The following TMOD1 variants were observed in gnomAD, a reference collection of about 807,000 sequenced individuals.
TMOD1 encodes the protein tropomodulin 1.
Under a neutral mutation model 40.6 loss-of-function variants are expected in TMOD1, and 17 were observed. The ratio of observed to expected loss-of-function variants is 0.42; its 90% CI spans 0.29 to 0.63. The LOEUF (loss-of-function observed/expected upper bound fraction) is 0.63, where lower values mean the gene tolerates loss of function less well. Among genes scored for constraint, TMOD1 ranks in the 20% least tolerant of loss-of-function variants. The pLI, the probability that TMOD1 is intolerant of heterozygous loss-of-function variation, is 0.22. For missense variants in TMOD1, 391 were observed against 447.6 expected (o/e 0.87, Z 1.14); for synonymous variants, 181 against 175.0 (o/e 1.03, Z -0.27).
chr9:97,534,958 C>T (rs1830157386), intron 2 of TMOD1, among the ~76,000 whole-genome samples: 1 of 152,128 alleles, frequency 6.6e-6, no homozygotes, highest in African/African-American at 2.4e-5. Context: ...TGAGCAAAGG[C>T]ATGGCAGTGG....
intron 4 of TMOD1, chr9:97,555,682 T>C (rs953841073): frequency 3.4e-5 from 52 of 1,551,006 alleles, no homozygotes; most frequent in Non-Finnish European, 4.1e-5. Context: ...ACTGAACACT[T>C]TTGACCACCT....
chr9:97,548,195 C>T (rs1367192493), intron 3 of TMOD1, among the ~76,000 whole-genome samples: 1 of 152,142 alleles, frequency 6.6e-6, no homozygotes, highest in Non-Finnish European at 1.5e-5. Context: ...ATTGTGAGCC[C>T]CAGGTCCACA....
At chr9:97,505,591 C>A (rs1191427229) in intron 1 of TMOD1, among the ~76,000 whole-genome samples, 1 of 152,146 alleles carries the variant, frequency 6.6e-6, no homozygotes, top group African/African-American at 2.4e-5. Flanking sequence ...CCACTCCTAC[C>A]CCTATTCTCT....
At chr9:97,532,158 A>G (rs754764242) in intron 2 of TMOD1, among the ~76,000 whole-genome samples, 16 of 152,254 alleles carry the variant, frequency 1.1e-4, no homozygotes, top group Non-Finnish European at 2.4e-4. Context: ...AACAGTTGAA[A>G]TGGAAAGAAA....
intron 8 of TMOD1, among the ~76,000 whole-genome samples, chr9:97,586,762 G>A (rs1425712498): frequency 6.6e-6 from 1 of 151,894 alleles, no homozygotes; most frequent in Non-Finnish European, 1.5e-5. Context: ...GGAGTGACCC[G>A]ATTTTCCAGG....
At chr9:97,564,887 C>A (rs1051964272) in intron 6 of TMOD1, among the ~76,000 whole-genome samples, 1 of 152,108 alleles carries the variant, frequency 6.6e-6, no homozygotes, top group Admixed American at 6.5e-5. Context: ...AGAAGCCAGC[C>A]CCCCATGCCC....
intron 2 of TMOD1, among the ~76,000 whole-genome samples, chr9:97,533,109 A>G (rs1159425651): frequency 6.6e-6 from 1 of 152,238 alleles, no homozygotes; most frequent in East Asian, 1.9e-4. Context: ...TAAAAAATGT[A>G]TAAGCTCCTT....
intron 8 of TMOD1, among the ~76,000 whole-genome samples, chr9:97,570,081 C>CT (rs1340658405): frequency 6.6e-6 from 1 of 152,004 alleles, no homozygotes; most frequent in African/African-American, 2.4e-5. Context: ...AAGTTTTTAA[C>CT]TTTTTTATTG....
intron 3 of TMOD1, among the ~76,000 whole-genome samples, chr9:97,549,205 C>T (rs954598103): frequency 1.3e-5 from 2 of 152,172 alleles, no homozygotes; most frequent in African/African-American, 4.8e-5. Context: ...ATTTAATTTT[C>T]TTAGGCATTC....
At position 97,503,986 on chromosome 9, in the gene TMOD1, G is replaced by A. The variant is rs555311198; in HGVS notation, c.-49+2183G>A. 6.8e-4 allele frequency among the ~76,000 whole-genome samples: 103 copies of A among 152,314 alleles called. 1 individual carries two copies. Among genetic ancestry groups the A allele is most frequent in the Non-Finnish European group, 1.3e-3 (91 of 68,024 alleles). On this transcript the variant is annotated intron_variant, in intron 1 of 9. Coordinates refer to ENST00000259365, the MANE Select transcript of TMOD1 (RefSeq NM_003275.4). Reference sequence around the variant, plus strand: ...TCCCAGGTGCCAAGGGAGGACAGAGGTGGGCAGTGTCACTTGCTGTGGAGA... The same window carrying A: ...TCCCAGGTGCCAAGGGAGGACAGAGATGGGCAGTGTCACTTGCTGTGGAGA...
chr9:97,551,168 C>A (rs948834507), intron 3 of TMOD1, among the ~76,000 whole-genome samples: 3 of 151,618 alleles, frequency 2.0e-5, no homozygotes, highest in Admixed American at 2.0e-4. Flanking sequence ...GGACTACAGG[C>A]ACGCACCATC....
chr9:97,571,857 C>T (rs559174916), intron 8 of TMOD1, among the ~76,000 whole-genome samples: 2 of 152,222 alleles, frequency 1.3e-5, no homozygotes, highest in Admixed American at 6.5e-5. Context: ...CAGCACCACC[C>T]GCCATCCAGT....
chr9:97,546,384 A>G, intron 3 of TMOD1, 43 bp downstream of exon 3: 1 of 1,593,140 alleles, frequency 6.3e-7, no homozygotes. Flanking sequence ...CTCCCCATGC[A>G]CCATTGAGTG....
At chr9:97,540,861 T>A (rs986706346) in intron 2 of TMOD1, among the ~76,000 whole-genome samples, 1 of 152,258 alleles carries the variant, frequency 6.6e-6, no homozygotes, top group Non-Finnish European at 1.5e-5. Flanking sequence ...TGGGTGGACA[T>A]ACATCTGCTG....
At chr9:97,593,897 A>T (rs145092266) in intron 9 of TMOD1, among the ~76,000 whole-genome samples, 1 of 151,966 alleles carries the variant, frequency 6.6e-6, no homozygotes, top group African/African-American at 2.4e-5. Context: ...AAGGAGTTAG[A>T]CCTAGGAGGA....
intron 9 of TMOD1, among the ~76,000 whole-genome samples, chr9:97,594,963 G>A (rs1236388530): frequency 4.6e-5 from 7 of 152,158 alleles, no homozygotes; most frequent in African/African-American, 1.7e-4. Flanking sequence ...ATCGTGTGGA[G>A]GGAGAGTAAC....
intron 8 of TMOD1, among the ~76,000 whole-genome samples, chr9:97,588,251 C>T (rs947351254): frequency 1.3e-5 from 2 of 152,194 alleles, no homozygotes; most frequent in Non-Finnish European, 2.9e-5. Context: ...ACATTCTTGT[C>T]AACACTTGTT....
At chr9:97,564,283 T>G (rs1830692934) in intron 6 of TMOD1, 115 bp downstream of exon 6, 1 of 1,327,874 alleles carries the variant, frequency 7.5e-7, no homozygotes, top group Non-Finnish European at 1.0e-6. Flanking sequence ...CCTGTTTGGA[T>G]TCTGGGTGTT....
intron 9 of TMOD1, among the ~76,000 whole-genome samples, chr9:97,592,844 T>G (rs1016946931): frequency 6.6e-6 from 1 of 152,250 alleles, no homozygotes; most frequent in Non-Finnish European, 1.5e-5. Flanking sequence ...CATTCATTGC[T>G]CACTGCAAAT....
Sources: gnomAD v4.1 joint callset for allele counts (sites outside exome capture counted in the v4.1 genomes callset) on GRCh38, gnomAD v4.1.1 for gene constraint, MANE v1.5 for transcripts, NCBI Gene and HGNC (gene_info 2026-07-23, HGNC 2026-07-21) for gene names.